CFAP263: variants seen among roughly 807,000 people sequenced by gnomAD.
CFAP263 encodes cilia and flagella associated protein 263.
At chr16:58,261,453 A>G in the CFAP263 span, among the ~76,000 whole-genome samples, 2 of 152,220 alleles carry the variant, frequency 1.3e-5, no homozygotes, top group Non-Finnish European at 2.9e-5. Context: ...TGCCGCTGCT[A>G]CACAAAGATA....
chr16:58,280,311 C>T, the CFAP263 span: 2 of 1,614,130 alleles, frequency 1.2e-6, no homozygotes, highest in African/African-American at 2.7e-5. Context: ...CTGCAAAAAT[C>T]CTACCTTCCC....
At chr16:58,265,997 C>T in the CFAP263 span, among the ~76,000 whole-genome samples, 2 of 152,154 alleles carry the variant, frequency 1.3e-5, no homozygotes, top group Non-Finnish European at 2.9e-5. Flanking sequence ...GCCCCATCTC[C>T]CCGGCCCCAC....
the CFAP263 span, among the ~76,000 whole-genome samples, chr16:58,274,936 C>T: frequency 6.6e-6 from 1 of 152,166 alleles, no homozygotes; most frequent in Non-Finnish European, 1.5e-5. Context: ...CAGCATGTCC[C>T]TCACAGCTGT....
the CFAP263 span, among the ~76,000 whole-genome samples, chr16:58,255,209 G>T: frequency 2.0e-5 from 3 of 152,300 alleles, no homozygotes; most frequent in South Asian, 4.1e-4. Flanking sequence ...GTACAAGTCC[G>T]AGGGTCTAAA....
At chr16:58,269,623 A>G in the CFAP263 span, among the ~76,000 whole-genome samples, 18 of 152,220 alleles carry the variant, frequency 1.2e-4, no homozygotes, top group African/African-American at 1.9e-4. Flanking sequence ...TTCACTTGGA[A>G]TAACATTTCA....
chr16:58,263,017 T>C, the CFAP263 span, among the ~76,000 whole-genome samples: 3 of 152,212 alleles, frequency 2.0e-5, no homozygotes, highest in African/African-American at 4.8e-5. Context: ...CAGTCTTAGC[T>C]ATAAATCAGA....
the CFAP263 span, among the ~76,000 whole-genome samples, chr16:58,257,316 C>T: frequency 8.9e-6 from 1 of 112,342 alleles, no homozygotes; most frequent in Non-Finnish European, 2.1e-5. Flanking sequence ...CGCGCCCAGC[C>T]TGCATATATG....
At chr16:58,268,663 AC>A in the CFAP263 span, among the ~76,000 whole-genome samples, 1 of 152,080 alleles carries the variant, frequency 6.6e-6, no homozygotes, top group Admixed American at 6.5e-5. Context: ...GACAACCAAT[AC>A]CTTCTGAAAA....
the CFAP263 span, among the ~76,000 whole-genome samples, chr16:58,263,300 C>A: frequency 6.6e-6 from 1 of 152,254 alleles, no homozygotes; most frequent in East Asian, 1.9e-4. Flanking sequence ...CCAAATGAAG[C>A]AAAATTGGTT....
At chr16:58,261,643 T>C in the CFAP263 span, among the ~76,000 whole-genome samples, 1 of 152,044 alleles carries the variant, frequency 6.6e-6, no homozygotes, top group Non-Finnish European at 1.5e-5. Context: ...GTTGGGAGCA[T>C]TGGAGCTGGA....
At chr16:58,272,068 G>A in the CFAP263 span, among the ~76,000 whole-genome samples, 4 of 149,814 alleles carry the variant, frequency 2.7e-5, no homozygotes, top group East Asian at 7.8e-4. Flanking sequence ...AGGCTGGAGT[G>A]CAGTGGCGTG....
At chr16:58,278,580 A>C in the CFAP263 span, 1 of 1,614,220 alleles carries the variant, frequency 6.2e-7, no homozygotes, top group Non-Finnish European at 8.5e-7. Context: ...AGAAGATCTT[A>C]AATGCGGACC....
chr16:58,275,924 G>A, the CFAP263 span, among the ~76,000 whole-genome samples: 6 of 152,166 alleles, frequency 3.9e-5, no homozygotes, highest in African/African-American at 1.4e-4. Context: ...TTGGAATGAA[G>A]AGGTCTTTCA....
the CFAP263 span, among the ~76,000 whole-genome samples, chr16:58,276,315 G>T: frequency 5.1e-4 from 78 of 152,324 alleles, no homozygotes; most frequent in Middle Eastern, 3.4e-3. Flanking sequence ...GGGAAAACCG[G>T]CAGTCTCAAA....
the CFAP263 span, among the ~76,000 whole-genome samples, chr16:58,251,786 T>C: frequency 0.024 from 3,297 of 139,330 alleles, 55 homozygotes; most frequent in Non-Finnish European, 0.034. Flanking sequence ...TAATAACACA[T>C]GAAAACATCA....
chr16:58,262,600 C>A, the CFAP263 span: 1 of 1,471,796 alleles, frequency 6.8e-7, no homozygotes, highest in Non-Finnish European at 9.2e-7. Context: ...CCTTTCTGGC[C>A]ACAGGGAGGT....
the CFAP263 span, among the ~76,000 whole-genome samples, chr16:58,279,470 A>T: frequency 1.3e-5 from 2 of 152,088 alleles, no homozygotes. Flanking sequence ...TGAACAGAAG[A>T]AACATGCTCT....
chr16:58,257,447 G>A, the CFAP263 span, among the ~76,000 whole-genome samples: 2 of 151,512 alleles, frequency 1.3e-5, no homozygotes, highest in Non-Finnish European at 2.9e-5. Context: ...TTAAGAGATG[G>A]GGCCTCACTG....
the CFAP263 span, among the ~76,000 whole-genome samples, chr16:58,264,114 A>G: frequency 6.6e-6 from 1 of 152,218 alleles, no homozygotes; most frequent in Non-Finnish European, 1.5e-5. Context: ...TGTGTCATAA[A>G]CATCCAACAG....
Sources: allele counts gnomAD v4.1 joint callset (sites outside exome capture counted in the v4.1 genomes callset), GRCh38; gene constraint gnomAD v4.1.1; transcripts MANE v1.5; gene names NCBI Gene and HGNC (gene_info 2026-07-23, HGNC 2026-07-21).